The following OVOL2 variants were observed in gnomAD, a reference collection of about 807,000 sequenced individuals.
OVOL2 encodes transcription factor Ovo-like 2.
A neutral mutation model predicts 18.1 loss-of-function variants in OVOL2; 13 were observed. The ratio of observed to expected loss-of-function variants is 0.72; its 90% confidence interval spans 0.47 to 1.14. OVOL2 has a LOEUF of 1.14. Ranked by LOEUF, OVOL2 falls within the 50% of genes most tolerant of loss-of-function variation. OVOL2 has a pLI of 0.00. For synonymous variants in OVOL2, 166 were observed against 162.7 expected, an observed-to-expected ratio of 1.02 and a Z score of -0.16; for missense variants, 335 against 383.0, an observed-to-expected ratio of 0.87 and a Z score of 1.05.
intron 2 of OVOL2, among the ~76,000 whole-genome samples, chr20:18,048,129 A>G (rs576427239): frequency 2.5e-3 from 382 of 151,564 alleles, no homozygotes; most frequent in African/African-American, 8.6e-3. Context: ...TCTACTAAAA[A>G]TACAAAAATT....
rs1355928977 is a variant in OVOL2 at position 18,057,051 on chromosome 20, C to T, written c.101-174G>A. Among the ~76,000 whole-genome samples the T allele has an allele frequency of 1.3e-5, 2 of 152,136 alleles. No individual in the cohort carries two copies. Among genetic ancestry groups the T allele is most frequent in the South Asian group, 2.1e-4 (1 of 4,828 alleles). ...GCCCCGAATCGGCCCACAGAGCTAG[C>T]TTGGGGTGCTCGGAGCCTCTTTCCG... On this transcript the variant is annotated intron_variant, in intron 1 of 3. Coordinates refer to ENST00000278780, the MANE Select transcript of OVOL2 (RefSeq NM_021220.4). This position sits in a 1 kb window ranked among gnomAD's most constrained non-coding sequence, Gnocchi z 6.3.
At position 18,057,597 on chromosome 20, in the gene OVOL2, C is replaced by T. The variant is rs946950823; in HGVS notation, c.38G>A (p.Gly13Glu). ...KVFLVKRRSL[G>E]VSVRSWDELP... ...CTCATCCCAGCTGCGGACCGAGACC[C>T]CCAGGCTCCTCCTCTTCACCAGGAA... The change falls in exon 1 of 4, where the codon GGG (glycine) becomes GAG (glutamate). Residue 13 changes from glycine (G) to glutamate (E), a missense_variant. By Grantham distance (98) the Gly-to-Glu change is moderately conservative. Coordinates refer to ENST00000278780, the MANE Select transcript of OVOL2 (RefSeq NM_021220.4). The surrounding 1 kb of genome is among the most constrained non-coding windows in gnomAD (Gnocchi z 6.3). 1.3e-6 allele frequency: 2 copies of T among 1,597,188 alleles called. No individual in the cohort carries two copies. Among genetic ancestry groups the T allele is most frequent in the African/African-American group, 2.7e-5 (2 of 74,366 alleles).
At chr20:18,030,075 ACT>A (rs1224916532) in intron 3 of OVOL2, among the ~76,000 whole-genome samples, 1 of 152,188 alleles carries the variant, frequency 6.6e-6, no homozygotes. Flanking sequence ...GAATGGATGA[ACT>A]CTGTTGGTTC....
chr20:18,042,811 C>T (rs1405287096), intron 2 of OVOL2, among the ~76,000 whole-genome samples: 1 of 151,416 alleles, frequency 6.6e-6, no homozygotes, highest in South Asian at 2.1e-4. Context: ...GGCACTTCCT[C>T]CCCTCTCTCT....
chr20:18,031,975 T>C (rs2036574205), intron 3 of OVOL2, among the ~76,000 whole-genome samples: 1 of 152,132 alleles, frequency 6.6e-6, no homozygotes, highest in Admixed American at 6.5e-5. Flanking sequence ...TATCCGAAGG[T>C]GAACTTCAGC....
intron 3 of OVOL2, among the ~76,000 whole-genome samples, chr20:18,028,647 G>A (rs929810978): frequency 6.6e-6 from 1 of 151,920 alleles, no homozygotes; most frequent in Admixed American, 6.6e-5. Context: ...ACAAAAATTA[G>A]CCTGGTGTGG....
intron 2 of OVOL2, among the ~76,000 whole-genome samples, chr20:18,050,034 T>G (rs546315333): frequency 1.3e-5 from 2 of 152,162 alleles, no homozygotes; most frequent in African/African-American, 4.8e-5. Context: ...AACAAAAACT[T>G]GCTGGGCTTA....
In OVOL2 at chr20:18,057,766, C is replaced by T. The variant is rs887036634; in HGVS notation, c.-132G>A. 1.2e-5 allele frequency: 17 copies of T among 1,407,892 alleles called. No individual in the cohort carries two copies. Among genetic ancestry groups the T allele is most frequent in the Non-Finnish European group, 1.5e-5 (16 of 1,088,784 alleles). 87.2% of individuals were successfully genotyped at this position (1,407,892 alleles called of 1,614,324 possible). A position where few individuals can be genotyped will look rare whatever the true frequency, so the allele number is the denominator to read the frequency against. ...CCGCCTCGCCTGCCCTCTTCCTCCA[C>T]CCCCCGCCGCGGCGCGGCCCAGGCC... On this transcript the variant is annotated 5_prime_UTR_variant, in exon 1 of 4. It adds an upstream start codon to the 5' untranslated region. Coordinates refer to ENST00000278780, the MANE Select transcript of OVOL2 (RefSeq NM_021220.4). The surrounding 1 kb of genome is among the most constrained non-coding windows in gnomAD (Gnocchi z 6.3).
chr20:18,024,772 A>T lies in OVOL2; in HGVS notation c.692T>A (p.Leu231Gln), dbSNP rs1315430814. 6.2e-7 allele frequency: 1 copy of T among 1,614,110 alleles called. No individual in the cohort carries two copies. The highest frequency in any genetic ancestry group is 1.3e-5 in the African/African-American group (1 of 74,930). The stretch of plus-strand genomic sequence containing the variant: ...GCCCGGATGGGCACTGTTCACGTGC[A>T]GGTACAGGTCCTCCTGGGTGGGGCC... ...YTGPTQEDLY[L>Q]HVNSAHPGSS... Residue 231 changes from leucine (L) to glutamine (Q), a missense_variant, in exon 4 of 4, where the codon CTG becomes CAG. Leu to Gln is a moderately radical substitution (Grantham distance 113). Transcript: ENST00000278780.
At chr20:18,039,448 C>T (rs1314081009) in intron 3 of OVOL2, among the ~76,000 whole-genome samples, 2 of 151,534 alleles carry the variant, frequency 1.3e-5, no homozygotes, top group Admixed American at 6.6e-5. Context: ...ATGACGAAAT[C>T]TCATCTCTAC....
At position 18,033,389 on chromosome 20, in the gene OVOL2, A is replaced by T. The variant is rs189259095; in HGVS notation, c.511+8145T>A. Among the ~76,000 whole-genome samples, 24 of 152,290 alleles carry T rather than the reference A, an allele frequency of 1.6e-4. No individual in the cohort carries two copies. The East Asian group carries it at 4.4e-3, about 28-fold the overall frequency. ...AGCCCTGAACTGCCTCCTTTATTCCAGCCAGCGTTGTTAAGTTATAACCAG... is the reference window on the plus strand; with the variant it reads ...AGCCCTGAACTGCCTCCTTTATTCCTGCCAGCGTTGTTAAGTTATAACCAG... On this transcript the variant is annotated intron_variant, in intron 3 of 3. Coordinates refer to ENST00000278780, the MANE Select transcript of OVOL2 (RefSeq NM_021220.4).
In OVOL2 at chr20:18,057,525, G is replaced by A. The variant is rs777175501; in HGVS notation, c.100+10C>T. 4.2e-5 allele frequency: 65 copies of A among 1,557,532 alleles called. No individual in the cohort carries two copies. The highest frequency in any genetic ancestry group is 1.7e-4 in the Admixed American group (9 of 52,800). ...CCCAGCGCCCAGGCCCGGCCCCCGCGCGCGCTCACCTGGGATGTAGGTGTC... is the reference window on the plus strand; with the variant it reads ...CCCAGCGCCCAGGCCCGGCCCCCGCACGCGCTCACCTGGGATGTAGGTGTC... On this transcript the variant is annotated intron_variant, in intron 1 of 3. Coordinates refer to ENST00000278780, the MANE Select transcript of OVOL2 (RefSeq NM_021220.4). The surrounding 1 kb of genome is among the most constrained non-coding windows in gnomAD (Gnocchi z 6.3).
chr20:18,050,232 T>C (rs905206912), intron 2 of OVOL2, among the ~76,000 whole-genome samples: 1 of 152,192 alleles, frequency 6.6e-6, no homozygotes, highest in African/African-American at 2.4e-5. Context: ...GGGAAGTAAC[T>C]TGGGTTTCAC....
chr20:18,051,601 C>G (rs192540631), intron 2 of OVOL2, among the ~76,000 whole-genome samples: 1 of 152,210 alleles, frequency 6.6e-6, no homozygotes, highest in African/African-American at 2.4e-5. Flanking sequence ...TAGAGCTGAC[C>G]AAGCAGGGAG....
intron 3 of OVOL2, among the ~76,000 whole-genome samples, chr20:18,028,170 A>ATATTT (rs777165924): frequency 7.2e-5 from 11 of 151,740 alleles, no homozygotes; most frequent in African/African-American, 1.2e-4. Flanking sequence ...TTTATTTTTA[A>ATATTT]TATTTTATTT....
In OVOL2 at chr20:18,034,478, G is replaced by A. The variant is rs574392537; in HGVS notation, c.511+7056C>T. On this transcript the variant is annotated intron_variant, in intron 3 of 3. Transcript: ENST00000278780. The stretch of plus-strand genomic sequence containing the variant: ...CCTCCCTCAATAAACCATTTGATGG[G>A]AAGCCGCTTCCAAACCCCACCTAAG... Among the ~76,000 whole-genome samples, 10 of 152,242 alleles carry A rather than the reference G, an allele frequency of 6.6e-5. 1 individual carries two copies. The South Asian group carries it at 2.1e-3, about 32-fold the overall frequency.
intron 2 of OVOL2, among the ~76,000 whole-genome samples, chr20:18,043,351 T>C (rs1418238527): frequency 2.0e-5 from 3 of 152,216 alleles, no homozygotes; most frequent in African/African-American, 7.2e-5. Flanking sequence ...GCAATGAAGA[T>C]GTGTCAGTTC....
chr20:18,025,655 A>G (rs1334545100), intron 3 of OVOL2, among the ~76,000 whole-genome samples: 2 of 152,218 alleles, frequency 1.3e-5, no homozygotes, highest in African/African-American at 4.8e-5. Context: ...GATCCTGGGA[A>G]GAACCTATAG....
chr20:18,045,361 T>C (rs1176394287), intron 2 of OVOL2, among the ~76,000 whole-genome samples: 1 of 152,212 alleles, frequency 6.6e-6, no homozygotes, highest in Non-Finnish European at 1.5e-5. Context: ...CAACTGTCTT[T>C]TGAAAGTCTT....
Sources: allele counts gnomAD v4.1 joint callset (sites outside exome capture counted in the v4.1 genomes callset), GRCh38; gene constraint gnomAD v4.1.1; non-coding constraint Gnocchi (gnomAD v3.1); transcripts MANE v1.5; gene names NCBI Gene and HGNC (gene_info 2026-07-23, HGNC 2026-07-21).